Variants in PDZRN4 observed in about 807,000 individuals in gnomAD.
The protein encoded by PDZRN4 is PDZ domain containing ring finger 4.
A neutral mutation model predicts 99.0 loss-of-function variants in PDZRN4; 70 were observed. The ratio of observed to expected loss-of-function variants is 0.71; its 90% CI spans 0.58 to 0.86. The LOEUF is 0.86. Ranked by LOEUF, PDZRN4 falls within the 40% of genes least tolerant of loss-of-function variation. PDZRN4 has a pLI of 0.00. For synonymous variants in PDZRN4, 551 were observed against 501.6 expected (o/e 1.10, Z -1.32); for missense variants, 1,474 against 1,331.2 (o/e 1.11, Z -1.67).
At chr12:41,392,570 C>T (rs1018209418) in intron 3 of PDZRN4, among the ~76,000 whole-genome samples, 2 of 152,158 alleles carry the variant, frequency 1.3e-5, no homozygotes, top group African/African-American at 4.8e-5. Context: ...GACTTGTGTT[C>T]ACACCATTAT....
intron 3 of PDZRN4, among the ~76,000 whole-genome samples, chr12:41,439,677 T>C (rs1191724149): frequency 6.6e-6 from 1 of 152,088 alleles, no homozygotes; most frequent in Non-Finnish European, 1.5e-5. Context: ...CTTGAGAAAA[T>C]AGATAAGCCA....
At chr12:41,299,321 G>T (rs1487534457) in intron 3 of PDZRN4, among the ~76,000 whole-genome samples, 1 of 151,906 alleles carries the variant, frequency 6.6e-6, no homozygotes, top group East Asian at 1.9e-4. Flanking sequence ...CCTTGGTCTG[G>T]ACACTCTTTC....
At chr12:41,387,027 C>A (rs59108550) in intron 3 of PDZRN4, among the ~76,000 whole-genome samples, 51 of 152,088 alleles carry the variant, frequency 3.4e-4, no homozygotes, top group Admixed American at 1.0e-3. Flanking sequence ...CCTGGAAGAC[C>A]ACCTAGGCAA....
chr12:41,488,582 T>C (rs376121891), intron 3 of PDZRN4, among the ~76,000 whole-genome samples: 3 of 152,102 alleles, frequency 2.0e-5, no homozygotes, highest in African/African-American at 7.2e-5. Context: ...AAACCTGGCG[T>C]GTAGTCACTG....
intron 5 of PDZRN4, among the ~76,000 whole-genome samples, chr12:41,544,223 T>A (rs1482561635): frequency 6.6e-6 from 1 of 152,228 alleles, no homozygotes; most frequent in Non-Finnish European, 1.5e-5. Flanking sequence ...ATTCTTAGAA[T>A]GAGTAACTTC....
intron 3 of PDZRN4, among the ~76,000 whole-genome samples, chr12:41,315,451 T>G (rs1951632183): frequency 6.6e-6 from 1 of 152,148 alleles, no homozygotes; most frequent in East Asian, 1.9e-4. Flanking sequence ...TGAGAGCACA[T>G]AAACACTACA....
At chr12:41,241,027 C>G (rs1002867558) in intron 3 of PDZRN4, among the ~76,000 whole-genome samples, 3 of 152,002 alleles carry the variant, frequency 2.0e-5, no homozygotes. Flanking sequence ...TTGCTCCTCC[C>G]CCCTCCCAAC....
At chr12:41,312,074 G>A (rs1295415062) in intron 3 of PDZRN4, among the ~76,000 whole-genome samples, 3 of 152,058 alleles carry the variant, frequency 2.0e-5, no homozygotes, top group Non-Finnish European at 2.9e-5. Flanking sequence ...GTCAGTGTTA[G>A]GGTTCTTTTT....
intron 3 of PDZRN4, among the ~76,000 whole-genome samples, chr12:41,300,673 T>C (rs562673507): frequency 2.2e-4 from 34 of 152,076 alleles, no homozygotes; most frequent in African/African-American, 8.2e-4. Context: ...GTTCTCCCTA[T>C]TATATCCATA....
chr12:41,487,651 T>G (rs539718600), intron 3 of PDZRN4, among the ~76,000 whole-genome samples: 2 of 152,324 alleles, frequency 1.3e-5, no homozygotes, highest in Admixed American at 6.5e-5. Flanking sequence ...TATTCTTTAA[T>G]TCATAAGGCT....
chr12:41,280,463 G>T (rs1951376261), intron 3 of PDZRN4, among the ~76,000 whole-genome samples: 1 of 152,168 alleles, frequency 6.6e-6, no homozygotes, highest in African/African-American at 2.4e-5. Flanking sequence ...CAGATCCACT[G>T]GTTGAAATTC....
intron 8 of PDZRN4, 52 bp downstream of exon 8, chr12:41,563,701 C>A (rs1393278035): frequency 1.7e-6 from 2 of 1,149,802 alleles, no homozygotes; most frequent in South Asian, 1.3e-5. Context: ...TCATTGAATT[C>A]ACTGAATGTA....
chr12:41,402,089 A>AATAT lies in PDZRN4; in HGVS notation c.844-104353_844-104350dup, dbSNP rs148105881. ...GAGCAGGAAAAGAAAAAAAAAAAGAAATATATATATATATATACACACTGA... is the reference window on the plus strand; with the variant it reads ...GAGCAGGAAAAGAAAAAAAAAAAGAAATATATATATATATATATATACACACTGA... On this transcript the variant is annotated intron_variant, in intron 3 of 9. Coordinates refer to ENST00000402685, the MANE Select transcript of PDZRN4 (RefSeq NM_001164595.2). Among the ~76,000 whole-genome samples, 204 of 70,362 alleles carry AATAT rather than the reference A, an allele frequency of 2.9e-3. 22 individuals carry two copies. Among genetic ancestry groups the AATAT allele is most frequent in the African/African-American group, 0.013 (196 of 15,288 alleles). 46.2% of individuals were successfully genotyped at this position (70,362 alleles called of 152,430 possible).
At chr12:41,439,528 G>C (rs1240137052) in intron 3 of PDZRN4, among the ~76,000 whole-genome samples, 2 of 152,136 alleles carry the variant, frequency 1.3e-5, no homozygotes, top group African/African-American at 4.8e-5. Flanking sequence ...CCTAGGTTAA[G>C]CTGTTTATAT....
At chr12:41,309,738 G>T (rs1365191295) in intron 3 of PDZRN4, among the ~76,000 whole-genome samples, 1 of 151,866 alleles carries the variant, frequency 6.6e-6, no homozygotes, top group African/African-American at 2.4e-5. Context: ...ATGAGGCAAA[G>T]CTAGCAGCAT....
chr12:41,483,032 T>C (rs1307379965), intron 3 of PDZRN4, among the ~76,000 whole-genome samples: 1 of 151,862 alleles, frequency 6.6e-6, no homozygotes, highest in African/African-American at 2.4e-5. Flanking sequence ...ATATAATATA[T>C]ATTACATGTG....
intron 3 of PDZRN4, among the ~76,000 whole-genome samples, chr12:41,237,141 A>G (rs1156397837): frequency 6.6e-6 from 1 of 152,158 alleles, no homozygotes; most frequent in Non-Finnish European, 1.5e-5. Context: ...ACTTGTAATC[A>G]TTATACCTTC....
At chr12:41,335,751 G>T (rs776167751) in intron 3 of PDZRN4, among the ~76,000 whole-genome samples, 28 of 151,960 alleles carry the variant, frequency 1.8e-4, no homozygotes, top group Non-Finnish European at 3.5e-4. Flanking sequence ...ATATGTCCAA[G>T]GTGTATACTT....
chr12:41,520,722 A>C (rs536882500), intron 5 of PDZRN4, among the ~76,000 whole-genome samples: 1 of 152,062 alleles, frequency 6.6e-6, no homozygotes, highest in African/African-American at 2.4e-5. Context: ...TTGATGGAGC[A>C]AATAAATCTT....
Sources: allele counts gnomAD v4.1 joint callset (sites outside exome capture counted in the v4.1 genomes callset), GRCh38; gene constraint gnomAD v4.1.1; transcripts MANE v1.5; gene names NCBI Gene and HGNC (gene_info 2026-07-23, HGNC 2026-07-21).